CHD5: variants seen among roughly 807,000 people sequenced by gnomAD.
CHD5 encodes chromodomain helicase DNA binding protein 5.
CHD5 carries 69 observed loss-of-function variants against 230.3 expected under a neutral mutation model. That is an observed-to-expected ratio of 0.30 (90% CI 0.25 to 0.37). The LOEUF is 0.37. Among genes scored for constraint, CHD5 ranks in the 10% least tolerant of loss-of-function variants. The pLI, the probability that CHD5 is intolerant of heterozygous loss-of-function variation, is 1.00. For missense variants in CHD5, 1,827 were observed against 2,622.8 expected (o/e 0.70, Z 6.63); for synonymous variants, 1,064 against 1,065.9 (o/e 1.00, Z 0.03).
Position 6,109,875 on chromosome 1 carries a change from T to C in CHD5, c.5498A>G (p.Glu1833Gly). The C allele has an allele frequency of 6.2e-7, 1 of 1,612,650 alleles. No homozygotes were observed. Among genetic ancestry groups the C allele is most frequent in the Non-Finnish European group, 8.5e-7 (1 of 1,179,612 alleles). The change falls in exon 38 of 42, where the codon GAG becomes GGG. Residue 1833 changes from glutamate (E) to glycine (G), a missense_variant. By Grantham distance (98) the Glu-to-Gly change is moderately conservative (BLOSUM62 -2). Transcript: ENST00000262450. ...GTGCTGGTGGCTCTCGGCGAGGCAC[T>C]CCACTTCAGCCAGGCGGGCGTTGAG... ...MALNARLAEV[E>G]CLAESHQHLS...
At chr1:6,107,520 GC>G (rs1666204322) in intron 38 of CHD5, among the ~76,000 whole-genome samples, 2 of 140,918 alleles carry the variant, frequency 1.4e-5, no homozygotes, top group South Asian at 2.4e-4. Context: ...GAGGGATGGA[GC>G]GGTGGAGAGA....
At chr1:6,157,424 CAA>C (rs1381767236) in intron 3 of CHD5, among the ~76,000 whole-genome samples, 1 of 152,210 alleles carries the variant, frequency 6.6e-6, no homozygotes, top group Non-Finnish European at 1.5e-5. Flanking sequence ...GTGAATGATG[CAA>C]AGAGACAGCC....
intron 34 of CHD5, 38 bp from the exon 35 acceptor site, chr1:6,112,315 CA>C: frequency 6.2e-7 from 1 of 1,603,218 alleles, no homozygotes; most frequent in Non-Finnish European, 8.5e-7. Context: ...TCCATCCATC[CA>C]AAAAGCAGTG....
rs1172408812 is a variant in CHD5 at position 6,129,551 on chromosome 1, G to T, written c.3388-482C>A. Among the ~76,000 whole-genome samples, 3 of 152,320 alleles carry T rather than the reference G, an allele frequency of 2.0e-5. No individual in the cohort carries two copies. In the East Asian group the frequency reaches 5.8e-4, roughly 29 times the overall value. Reference sequence around the variant, plus strand: ...AAGGAAGTGCCTGAGACTCTGTGCAGCCCTACATGAGGTGACCTGGGTGTG... The same window carrying T: ...AAGGAAGTGCCTGAGACTCTGTGCATCCCTACATGAGGTGACCTGGGTGTG... On this transcript the variant is annotated intron_variant, in intron 22 of 41. Transcript: ENST00000262450. This position sits in a 1 kb window ranked among gnomAD's most constrained non-coding sequence, Gnocchi z 6.8.
rs1254477972 is a variant in CHD5, at chr1:6,102,526, A to G, written c.*2948T>C. 6.6e-6 allele frequency: 1 copy of G among 152,222 alleles called. No individual in the cohort carries two copies. Among genetic ancestry groups the G allele is most frequent in the Non-Finnish European group, 1.5e-5 (1 of 68,072 alleles). The allele number at this position is 152,222 out of a possible 1,614,324, so 9.4% of individuals were successfully genotyped here. A position where few individuals can be genotyped will look rare whatever the true frequency, so the allele number is the denominator to read the frequency against. ...ACACTGGAGGCTCCAAGTGACCGACACTTGACCAAGTCCATCTGGCTTCTG... is the reference window on the plus strand; with the variant it reads ...ACACTGGAGGCTCCAAGTGACCGACGCTTGACCAAGTCCATCTGGCTTCTG... On this transcript the variant is annotated 3_prime_UTR_variant, in exon 42 of 42. Transcript: ENST00000262450.
chr1:6,152,820 T>C (rs989129753), intron 5 of CHD5, among the ~76,000 whole-genome samples: 1 of 152,186 alleles, frequency 6.6e-6, no homozygotes, highest in African/African-American at 2.4e-5. Context: ...GAGGATCCCC[T>C]ATACCGTCTC....
At position 6,102,801 on chromosome 1, in the gene CHD5, A is replaced by G. The variant is rs968511023; in HGVS notation, c.*2673T>C. On this transcript the variant is annotated 3_prime_UTR_variant, in exon 42 of 42. Coordinates refer to ENST00000262450, the MANE Select transcript of CHD5 (RefSeq NM_015557.3). ...TTGCAAAAAACGCAGGAGCTTCGGA[A>G]GGTGGCTTTCACGGGGGACGCTGCT... 10 of 152,372 alleles carry G rather than the reference A, an allele frequency of 6.6e-5. No homozygotes were observed. The highest frequency in any genetic ancestry group is 5.9e-4 in the Admixed American group (9 of 15,302). 9.4% of individuals were successfully genotyped at this position (152,372 alleles called of 1,614,324 possible).
rs373827895 is a variant in CHD5, at chr1:6,125,504, C to A, written c.4260+20G>T. 9 of 1,560,174 alleles carry A rather than the reference C, an allele frequency of 5.8e-6. No homozygotes were observed. Among genetic ancestry groups the A allele is most frequent in the Non-Finnish European group, 7.8e-6 (9 of 1,150,658 alleles). The stretch of plus-strand genomic sequence containing the variant: ...CAGGAAGCAGGGGCAGAAAGAGATG[C>A]GGGAACAGACAGGCCCCACCTCGAT... On this transcript the variant is annotated intron_variant, in intron 28 of 41. Transcript: ENST00000262450. The surrounding 1 kb of genome is among the most constrained non-coding windows in gnomAD (Gnocchi z 6.7).
In CHD5 at chr1:6,180,271, T is replaced by G; in HGVS notation, c.-248A>C. 1.2e-5 allele frequency: 2 copies of G among 169,444 alleles called. No homozygotes were observed. Among genetic ancestry groups the G allele is most frequent in the Non-Finnish European group, 1.2e-5 (1 of 81,380 alleles). The allele number at this position is 169,444 out of a possible 1,614,324, so 10.5% of individuals were successfully genotyped here. ...CTCCCACCGCGCCCCGCAGCCCGAG[T>G]CCCGCAGCCGGCCGAGGGTGGCGGC... On this transcript the variant is annotated 5_prime_UTR_variant, in exon 1 of 42. Coordinates refer to ENST00000262450, the MANE Select transcript of CHD5 (RefSeq NM_015557.3).
rs772937291 is a variant in CHD5, at chr1:6,130,135, G to T, written c.3387+69C>A. On this transcript the variant is annotated intron_variant, in intron 22 of 41. Transcript: ENST00000262450. The surrounding 1 kb of genome is among the most constrained non-coding windows in gnomAD (Gnocchi z 4.9). Reference sequence around the variant, plus strand: ...GGGGTGATGGCAAGAAGGGCATGAAGGACAGAACCTGCCTGAGGCCCGGGA... The same window carrying T: ...GGGGTGATGGCAAGAAGGGCATGAATGACAGAACCTGCCTGAGGCCCGGGA... 1.9e-6 allele frequency: 3 copies of T among 1,581,542 alleles called. No individual in the cohort carries two copies. Among genetic ancestry groups the T allele is most frequent in the Admixed American group, 3.4e-5 (2 of 59,602 alleles).
Position 6,159,438 on chromosome 1 carries a change from C to A in CHD5, c.285G>T (p.Pro95=), listed in dbSNP as rs368591455. Residue 95 remains proline (P), a synonymous_variant, in exon 3 of 42, where the codon CCG becomes CCT. Coordinates refer to ENST00000262450, the MANE Select transcript of CHD5 (RefSeq NM_015557.3). ...KSESEGSDYS[P]NKKKKKKLKD... ...TGAGTTTCTTCTTCTTCTTTTTATT[C>A]GGGGAGTAGTCACTGCCTTCACTCT... 39 of 1,579,524 alleles carry A rather than the reference C, an allele frequency of 2.5e-5. No individual in the cohort carries two copies. Among genetic ancestry groups the A allele is most frequent in the Non-Finnish European group, 3.3e-5 (38 of 1,159,668 alleles).
intron 6 of CHD5, 49 bp downstream of exon 6, chr1:6,152,363 C>T: frequency 1.3e-6 from 2 of 1,579,432 alleles, no homozygotes; most frequent in Non-Finnish European, 1.7e-6. Flanking sequence ...CATGTGCAGA[C>T]ACACATGCAT....
intron 9 of CHD5, among the ~76,000 whole-genome samples, chr1:6,148,195 C>G (rs911594411): frequency 1.3e-5 from 2 of 152,194 alleles, no homozygotes; most frequent in African/African-American, 4.8e-5. Flanking sequence ...GGTGGAGGAT[C>G]TGGCACCACA....
chr1:6,168,075 C>T, intron 2 of CHD5, 75 bp downstream of exon 2: 3 of 1,519,362 alleles, frequency 2.0e-6, no homozygotes, highest in Non-Finnish European at 2.7e-6. Flanking sequence ...GGACCCCAGC[C>T]CTCCTCTGCG....
In CHD5 at chr1:6,128,464, A is replaced by C. The variant is rs1557544750; in HGVS notation, c.3730+35T>G. ...TCTGCAGGAGCAGCCACCTGGTCGG[A>C]GGAGGAGCTGAGGCTGGGCTGGGTT... On this transcript the variant is annotated intron_variant, in intron 24 of 41. Transcript: ENST00000262450. This position sits in a 1 kb window ranked among gnomAD's most constrained non-coding sequence, Gnocchi z 7.8. 6.6e-7 allele frequency: 1 copy of C among 1,522,944 alleles called. No homozygotes were observed. 94.3% of individuals were successfully genotyped at this position (1,522,944 alleles called of 1,614,324 possible).
intron 15 of CHD5, among the ~76,000 whole-genome samples, chr1:6,139,915 G>A (rs540506845): frequency 9.9e-5 from 15 of 152,242 alleles, no homozygotes; most frequent in Admixed American, 3.3e-4. Context: ...TGGGATCATC[G>A]ATTCATTCAC....
Position 6,164,988 on chromosome 1 carries a change from G to A in CHD5, c.207+3162C>T, listed in dbSNP as rs1260087701. Among the ~76,000 whole-genome samples the A allele has an allele frequency of 2.6e-5, 4 of 151,796 alleles. No individual in the cohort carries two copies. The South Asian group carries it at 8.3e-4, about 32-fold the overall frequency. Reference sequence around the variant, plus strand: ...ACACCAAGCACAGGCCAGAGGGAATGACCAAGTCTGAGACCCAGAGAGAGA... The same window carrying A: ...ACACCAAGCACAGGCCAGAGGGAATAACCAAGTCTGAGACCCAGAGAGAGA... On this transcript the variant is annotated intron_variant, in intron 2 of 41. Transcript: ENST00000262450.
intron 15 of CHD5, among the ~76,000 whole-genome samples, chr1:6,137,399 G>A (rs12059364): frequency 0.13 from 19,350 of 151,908 alleles, 1,400 homozygotes; most frequent in Middle Eastern, 0.2. Context: ...GAGCCACCAC[G>A]ACCAGCCCTG....
In CHD5 at chr1:6,123,961, C is replaced by T. The variant is rs751701713; in HGVS notation, c.4686G>A (p.Pro1562=). The change falls in exon 31 of 42, where the codon CCG becomes CCA. Residue 1562 remains proline (P), a synonymous_variant. Transcript: ENST00000262450. ...CAGCCCACAGACCTGGCAGGCCCAG[C>T]GGGGCTGGCAGGAGGTGGGCAGGGC... ...PASPAHLLPA[P]LGLPDKMEAQ... is the part of the protein sequence containing the mutation. 4 of 1,577,584 alleles carry T rather than the reference C, an allele frequency of 2.5e-6. No homozygotes were observed. The South Asian group carries it at 3.5e-5, about 14-fold the overall frequency.
Sources: allele counts gnomAD v4.1 joint callset (sites outside exome capture counted in the v4.1 genomes callset), GRCh38; gene constraint gnomAD v4.1.1; non-coding constraint Gnocchi (gnomAD v3.1); transcripts MANE v1.5; gene names NCBI Gene and HGNC (gene_info 2026-07-23, HGNC 2026-07-21).